The following HOOK3 variants were observed in gnomAD, a reference collection of about 807,000 sequenced individuals.
The protein encoded by HOOK3 is protein Hook homolog 3.
A neutral mutation model predicts 116.3 loss-of-function variants in HOOK3; 24 were observed. The observed-to-expected ratio is 0.21, with a 90% CI of 0.15 to 0.29. The LOEUF is 0.29. Among genes scored for constraint, HOOK3 ranks in the 10% least tolerant of loss-of-function variants. The pLI, the probability that HOOK3 is intolerant of heterozygous loss-of-function variation, is 1.00. For missense variants in HOOK3, 632 were observed against 830.2 expected (o/e 0.76, Z 2.93); for synonymous variants, 275 against 283.0 (o/e 0.97, Z 0.28).
Position 43,018,577 on chromosome 8 carries a change from A to C in HOOK3, c.*79A>C. The C allele has an allele frequency of 1.6e-5, 22 of 1,370,142 alleles. No homozygotes were observed. Among genetic ancestry groups the C allele is most frequent in the South Asian group, 1.9e-5 (1 of 51,294 alleles). 84.9% of individuals were successfully genotyped at this position (1,370,142 alleles called of 1,614,324 possible). The stretch of plus-strand genomic sequence containing the variant: ...CACACAAGAACATTTCAGGAAACTC[A>C]GCCAGCTTATTTTTTGTTTCTCTTC... On this transcript the variant is annotated 3_prime_UTR_variant, in exon 22 of 22. Coordinates refer to ENST00000307602, the MANE Select transcript of HOOK3 (RefSeq NM_032410.4).
At chr8:42,958,022 C>A (rs556978646) in intron 7 of HOOK3, among the ~76,000 whole-genome samples, 1 of 151,856 alleles carries the variant, frequency 6.6e-6, no homozygotes, top group African/African-American at 2.4e-5. Flanking sequence ...TTAGTAGAGA[C>A]GGGGTTTCAC....
At chr8:42,939,272 C>G (rs918188296) in intron 4 of HOOK3, among the ~76,000 whole-genome samples, 5 of 152,178 alleles carry the variant, frequency 3.3e-5, no homozygotes, top group Non-Finnish European at 7.4e-5. Flanking sequence ...AAGAGGGGCT[C>G]CTCACTTCCC....
Position 42,967,971 on chromosome 8 carries a change from T to C in HOOK3, c.921-42T>C, listed in dbSNP as rs1344271000. The C allele has an allele frequency of 2.8e-6, 3 of 1,081,258 alleles. No homozygotes were observed. In the East Asian group the frequency reaches 7.1e-5, roughly 25 times the overall value. 67.0% of individuals were successfully genotyped at this position (1,081,258 alleles called of 1,614,324 possible). On this transcript the variant is annotated intron_variant, in intron 10 of 21. Coordinates refer to ENST00000307602, the MANE Select transcript of HOOK3 (RefSeq NM_032410.4). The stretch of plus-strand genomic sequence containing the variant: ...TAACACTGAAACAACTTTACAAGTG[T>C]GGATGTGTTTCTGATTTTTTTAATT...
chr8:42,923,519 G>A (rs1192305771), intron 2 of HOOK3, among the ~76,000 whole-genome samples: 2 of 152,146 alleles, frequency 1.3e-5, no homozygotes, highest in African/African-American at 4.8e-5. Context: ...GCTGCAGTAT[G>A]GATAAACCTT....
chr8:42,973,195 G>A, intron 11 of HOOK3, 94 bp from the exon 12 acceptor site: 1 of 1,347,772 alleles, frequency 7.4e-7, no homozygotes, highest in Non-Finnish European at 1.0e-6. Flanking sequence ...GTACTGGTGG[G>A]AGAGATTTTG....
intron 2 of HOOK3, among the ~76,000 whole-genome samples, chr8:42,924,291 G>C (rs1320883993): frequency 1.3e-5 from 2 of 151,796 alleles, no homozygotes; most frequent in Non-Finnish European, 2.9e-5. Context: ...GCTCATGCTG[G>C]GTTTGAAAAG....
At chr8:42,904,212 TTTAGCTTCATCCGTG>T (rs1807254455) in intron 1 of HOOK3, among the ~76,000 whole-genome samples, 1 of 152,150 alleles carries the variant, frequency 6.6e-6, no homozygotes, top group Non-Finnish European at 1.5e-5. Context: ...CTGTACTGAG[TTTAGCTTCATCCGTG>T]TTAGTATATA....
At chr8:43,017,917 A>G (rs905202328) in intron 21 of HOOK3, among the ~76,000 whole-genome samples, 1 of 152,220 alleles carries the variant, frequency 6.6e-6, no homozygotes, top group Non-Finnish European at 1.5e-5. Context: ...GCATGCTGGT[A>G]TGTACAGTAC....
intron 10 of HOOK3, 91 bp from the exon 11 acceptor site, chr8:42,967,922 T>C (rs764201995): frequency 2.8e-6 from 2 of 725,616 alleles, no homozygotes; most frequent in Non-Finnish European, 4.9e-6. Flanking sequence ...TTTCATTAGA[T>C]GTGTGTTTCC....
At chr8:42,943,168 T>C (rs992429856) in intron 4 of HOOK3, 145 bp from the exon 5 acceptor site, 2 of 422,598 alleles carry the variant, frequency 4.7e-6, no homozygotes, top group Non-Finnish European at 8.1e-6. Context: ...GTATGGGAGG[T>C]AGAAATAGAA....
At chr8:43,013,995 A>G (rs1254980034) in intron 21 of HOOK3, among the ~76,000 whole-genome samples, 1 of 152,144 alleles carries the variant, frequency 6.6e-6, no homozygotes, top group Non-Finnish European at 1.5e-5. Context: ...CTGCTTTTAA[A>G]AAATGTTAGT....
rs1226654098 is a variant in HOOK3, at chr8:43,021,247, A to G, written c.*2749A>G. ...CTCCTACCCATCCACCTACCCAGAT[A>G]TTTTTTCTCTATCTGGGTTGGAAAG... On this transcript the variant is annotated 3_prime_UTR_variant, in exon 22 of 22. Coordinates refer to ENST00000307602, the MANE Select transcript of HOOK3 (RefSeq NM_032410.4). 1 of 202,374 alleles carries G rather than the reference A, an allele frequency of 4.9e-6. No individual in the cohort carries two copies. Among genetic ancestry groups the G allele is most frequent in the Admixed American group, 6.1e-5 (1 of 16,418 alleles). The allele number at this position is 202,374 out of a possible 1,614,324, so 12.5% of individuals were successfully genotyped here. A position where few individuals can be genotyped will look rare whatever the true frequency, so the allele number is the denominator to read the frequency against.
At chr8:43,013,006 T>G (rs763240237) in intron 19 of HOOK3, 45 bp from the exon 20 acceptor site, 1 of 1,183,540 alleles carries the variant, frequency 8.4e-7, no homozygotes, top group Non-Finnish European at 1.2e-6. Flanking sequence ...GTTACATTCT[T>G]TAAGTTTGAG....
At chr8:43,006,938 AT>A (rs1809502913) in intron 17 of HOOK3, among the ~76,000 whole-genome samples, 1 of 151,928 alleles carries the variant, frequency 6.6e-6, no homozygotes, top group African/African-American at 2.4e-5. Context: ...CCAGGGGAAA[AT>A]ATCTCACTTT....
At chr8:42,969,275 A>C (rs575613885) in intron 11 of HOOK3, among the ~76,000 whole-genome samples, 1 of 152,324 alleles carries the variant, frequency 6.6e-6, no homozygotes, top group East Asian at 1.9e-4. Flanking sequence ...TGTGCTACCA[A>C]CAAGCAGTTT....
At chr8:42,907,607 CTG>C (rs1486292348) in intron 2 of HOOK3, among the ~76,000 whole-genome samples, 1 of 152,024 alleles carries the variant, frequency 6.6e-6, no homozygotes, top group Admixed American at 6.6e-5. Context: ...TTGTTTGAGA[CTG>C]TGGGCCTAGC....
intron 18 of HOOK3, among the ~76,000 whole-genome samples, chr8:43,008,585 C>T (rs1022748187): frequency 2.0e-5 from 3 of 152,144 alleles, no homozygotes; most frequent in Admixed American, 6.5e-5. Flanking sequence ...TCCCAAAGTA[C>T]TGGGATTACA....
At chr8:42,923,903 C>G (rs959870634) in intron 2 of HOOK3, among the ~76,000 whole-genome samples, 1 of 152,114 alleles carries the variant, frequency 6.6e-6, no homozygotes, top group African/African-American at 2.4e-5. Context: ...ATAATCATAA[C>G]AGATTTGTAT....
At chr8:42,953,179 G>GA (rs1254096359) in intron 6 of HOOK3, among the ~76,000 whole-genome samples, 1 of 150,424 alleles carries the variant, frequency 6.6e-6, no homozygotes, top group Non-Finnish European at 1.5e-5. Flanking sequence ...CAAGAGCAGG[G>GA]AAAAGAATAA....
Sources: gnomAD v4.1 joint callset for allele counts (sites outside exome capture counted in the v4.1 genomes callset) on GRCh38, gnomAD v4.1.1 for gene constraint, MANE v1.5 for transcripts, NCBI Gene and HGNC (gene_info 2026-07-23, HGNC 2026-07-21) for gene names.